Variants in GUCA1C observed in about 807,000 individuals in gnomAD.
GUCA1C encodes guanylyl cyclase-activating protein 3.
GUCA1C carries 15 observed loss-of-function variants against 16.2 expected under a neutral mutation model. The observed-to-expected ratio is 0.93, with a 90% CI of 0.62 to 1.43. GUCA1C has a LOEUF of 1.43. GUCA1C is among the 40% of genes most tolerant of loss of function. The pLI, the probability that GUCA1C is intolerant of heterozygous loss-of-function variation, is 0.00. For synonymous variants in GUCA1C, 78 were observed against 85.4 expected, an observed-to-expected ratio of 0.91 and a Z score of 0.48; for missense variants, 275 against 244.8, an observed-to-expected ratio of 1.12 and a Z score of -0.82.
At chr3:108,927,069 TA>T (rs1946629479) in intron 1 of GUCA1C, among the ~76,000 whole-genome samples, 3 of 152,070 alleles carry the variant, frequency 2.0e-5, no homozygotes, top group Admixed American at 6.5e-5. Flanking sequence ...CAATCCCTTC[TA>T]GCTTGTAGGG....
intron 1 of GUCA1C, among the ~76,000 whole-genome samples, chr3:108,941,439 C>T (rs1440321581): frequency 6.6e-6 from 1 of 152,162 alleles, no homozygotes; most frequent in African/African-American, 2.4e-5. Flanking sequence ...TTAGAGAAAC[C>T]ATTTTACCTC....
At chr3:108,954,230 G>C (rs561553186), upstream of GUCA1C, among the ~76,000 whole-genome samples, 1 of 152,182 alleles carries the variant, frequency 6.6e-6, no homozygotes, top group African/African-American at 2.4e-5. Flanking sequence ...AGTAATAAAA[G>C]TTTCTGCCTT....
intron 1 of GUCA1C, among the ~76,000 whole-genome samples, chr3:108,937,963 C>T (rs1419346817): frequency 1.3e-5 from 2 of 151,704 alleles, no homozygotes; most frequent in East Asian, 1.9e-4. Context: ...TCCAGCTACT[C>T]GGGAGGCTAA....
At chr3:108,930,501 G>A (rs1055624628) in intron 1 of GUCA1C, among the ~76,000 whole-genome samples, 2 of 152,146 alleles carry the variant, frequency 1.3e-5, no homozygotes. Context: ...AAGCTAATAC[G>A]GTAATCACTG....
At chr3:108,929,342 T>C (rs761038534) in intron 1 of GUCA1C, among the ~76,000 whole-genome samples, 5 of 152,206 alleles carry the variant, frequency 3.3e-5, no homozygotes, top group African/African-American at 4.8e-5. Context: ...GTTTTTGTTT[T>C]TGGTTTTTTG....
At chr3:108,952,145 CT>C (rs1165046183) in intron 1 of GUCA1C, among the ~76,000 whole-genome samples, 1 of 152,130 alleles carries the variant, frequency 6.6e-6, no homozygotes, top group East Asian at 1.9e-4. Flanking sequence ...TATTGGGCTG[CT>C]TATAGCAGCC....
chr3:108,941,434 G>A (rs1337269244), intron 1 of GUCA1C, among the ~76,000 whole-genome samples: 2 of 152,182 alleles, frequency 1.3e-5, no homozygotes, highest in Non-Finnish European at 2.9e-5. Flanking sequence ...TACATTTAGA[G>A]AAACCATTTT....
At position 108,945,519 on chromosome 3, in the gene GUCA1C, C is replaced by T. The variant is rs999509642; in HGVS notation, c.204+8040G>A. Among the ~76,000 whole-genome samples the T allele has an allele frequency of 5.3e-5, 8 of 152,290 alleles. No individual in the cohort carries two copies. In the South Asian group the frequency reaches 6.2e-4, roughly 12 times the overall value. ...GGTAGAATTTTAATAATGGAATGGA[C>T]GATTCCCAGTTGTAGAAACTAAGGA... On this transcript the variant is annotated intron_variant, in intron 1 of 3. Coordinates refer to ENST00000261047, the MANE Select transcript of GUCA1C (RefSeq NM_005459.4).
At chr3:108,951,434 TA>T (rs1324016565) in intron 1 of GUCA1C, among the ~76,000 whole-genome samples, 2 of 151,926 alleles carry the variant, frequency 1.3e-5, no homozygotes, top group Non-Finnish European at 2.9e-5. Context: ...ATTTTAAAAA[TA>T]AAATTTAAAA....
chr3:108,930,268 G>A (rs577054764), intron 1 of GUCA1C, among the ~76,000 whole-genome samples: 1 of 152,242 alleles, frequency 6.6e-6, no homozygotes, highest in Admixed American at 6.5e-5. Context: ...ACCGGGATGT[G>A]ACATAAAGTA....
At chr3:108,925,955 C>G (rs1946619386) in intron 1 of GUCA1C, among the ~76,000 whole-genome samples, 1 of 152,062 alleles carries the variant, frequency 6.6e-6, no homozygotes, top group South Asian at 2.1e-4. Flanking sequence ...GGCATGGTGG[C>G]AGATGCCTGT....
At chr3:108,911,779 T>C (rs1290819317) in intron 3 of GUCA1C, among the ~76,000 whole-genome samples, 1 of 152,152 alleles carries the variant, frequency 6.6e-6, no homozygotes, top group East Asian at 1.9e-4. Flanking sequence ...GTGTCCTGAC[T>C]TTGTTCTTTT....
chr3:108,919,726 A>T (rs1946552153), intron 2 of GUCA1C, among the ~76,000 whole-genome samples: 1 of 152,202 alleles, frequency 6.6e-6, no homozygotes, highest in Non-Finnish European at 1.5e-5. Flanking sequence ...CAGCTCCTTC[A>T]TCTATGAAAC....
chr3:108,946,891 GAAAAAAA>G (rs10607933), intron 1 of GUCA1C, among the ~76,000 whole-genome samples: 4 of 96,400 alleles, frequency 4.1e-5, no homozygotes, highest in African/African-American at 1.2e-4. Flanking sequence ...TCAAGAATCT[GAAAAAAA>G]AAAAAAAAAA....
intron 1 of GUCA1C, among the ~76,000 whole-genome samples, chr3:108,933,662 T>C (rs145674386): frequency 1.3e-3 from 196 of 152,262 alleles, no homozygotes; most frequent in African/African-American, 4.4e-3. Flanking sequence ...ATGCCTATTA[T>C]TAAAAAGTTA....
intron 3 of GUCA1C, among the ~76,000 whole-genome samples, chr3:108,912,096 TCCG>T (rs1946461174): frequency 8.0e-5 from 1 of 12,494 alleles, no homozygotes; most frequent in African/African-American, 1.8e-4. Flanking sequence ...AGAGAGAGAC[TCCG>T]TCTCAATAAT....
chr3:108,934,801 T>C (rs1232687714), intron 1 of GUCA1C, among the ~76,000 whole-genome samples: 21 of 140,700 alleles, frequency 1.5e-4, no homozygotes, highest in African/African-American at 5.6e-4. Context: ...TCACTTATGT[T>C]CTTGATCTTT....
chr3:108,911,058 T>C (rs1946448319), intron 3 of GUCA1C, among the ~76,000 whole-genome samples: 1 of 152,218 alleles, frequency 6.6e-6, no homozygotes, highest in African/African-American at 2.4e-5. Flanking sequence ...ATTTGTTGTA[T>C]TGGTGGGTGC....
chr3:108,933,679 A>C (rs1946693556), intron 1 of GUCA1C, among the ~76,000 whole-genome samples: 1 of 152,244 alleles, frequency 6.6e-6, no homozygotes. Flanking sequence ...GTTAAAAAAC[A>C]GTAGAGGCTG....
Sources: gnomAD v4.1 joint callset for allele counts (sites outside exome capture counted in the v4.1 genomes callset) on GRCh38, gnomAD v4.1.1 for gene constraint, MANE v1.5 for transcripts, NCBI Gene and HGNC (gene_info 2026-07-23, HGNC 2026-07-21) for gene names.